Variants in KCNIP4 observed in about 807,000 individuals in gnomAD.
KCNIP4 encodes the protein potassium voltage-gated channel interacting protein 4.
A neutral mutation model predicts 34.0 loss-of-function variants in KCNIP4; 12 were observed. The observed-to-expected ratio is 0.35, with a 90% CI of 0.23 to 0.57. KCNIP4 has a LOEUF of 0.57. Ranked by LOEUF, KCNIP4 falls within the 20% of genes least tolerant of loss-of-function variation. The pLI is 0.83. For synonymous variants in KCNIP4, 124 were observed against 102.2 expected (o/e 1.21, Z -1.29); for missense variants, 238 against 311.7 (o/e 0.76, Z 1.78).
intron 1 of KCNIP4, among the ~76,000 whole-genome samples, chr4:21,733,203 T>G (rs1206274468): frequency 6.6e-6 from 1 of 152,282 alleles, no homozygotes; most frequent in Non-Finnish European, 1.5e-5. Context: ...CCTGTTGTAA[T>G]TAATAATCCT....
intron 1 of KCNIP4, among the ~76,000 whole-genome samples, chr4:21,598,906 A>G (rs1402665854): frequency 6.6e-6 from 1 of 152,094 alleles, no homozygotes; most frequent in Admixed American, 6.6e-5. Context: ...GAGCCACATT[A>G]TGACTCCTGG....
At chr4:21,475,792 C>G (rs916851830) in intron 1 of KCNIP4, among the ~76,000 whole-genome samples, 2 of 152,136 alleles carry the variant, frequency 1.3e-5, no homozygotes, top group Admixed American at 1.3e-4. Context: ...CTGATTTTGA[C>G]ATATAAAAAT....
intron 1 of KCNIP4, among the ~76,000 whole-genome samples, chr4:21,342,975 T>A (rs919675272): frequency 2.0e-5 from 3 of 152,150 alleles, no homozygotes; most frequent in Non-Finnish European, 1.5e-5. Flanking sequence ...CTGTTCATTT[T>A]TTTTTCTGAG....
intron 1 of KCNIP4, among the ~76,000 whole-genome samples, chr4:21,579,163 T>A (rs1741003612): frequency 6.6e-6 from 1 of 152,130 alleles, no homozygotes; most frequent in Non-Finnish European, 1.5e-5. Flanking sequence ...TGTATGACAG[T>A]TCCCGTAGGT....
intron 1 of KCNIP4, chr4:21,847,990 T>C (rs752354582): frequency 5.3e-5 from 8 of 152,154 alleles, no homozygotes; most frequent in East Asian, 1.9e-4. Context: ...CTTGACTTCA[T>C]CTTGGCTATT....
intron 1 of KCNIP4, among the ~76,000 whole-genome samples, chr4:21,268,941 A>T (rs944484051): frequency 4.6e-5 from 7 of 152,204 alleles, no homozygotes; most frequent in African/African-American, 1.7e-4. Flanking sequence ...ACATCTGCAA[A>T]TGTCCCAAGT....
intron 3 of KCNIP4, among the ~76,000 whole-genome samples, chr4:20,811,576 G>A (rs1442796156): frequency 6.6e-6 from 1 of 152,150 alleles, no homozygotes; most frequent in Admixed American, 6.6e-5. Context: ...TTAAAAATGG[G>A]TTTGGGTTAC....
chr4:20,997,750 C>T (rs540553052), intron 1 of KCNIP4, among the ~76,000 whole-genome samples: 5 of 152,204 alleles, frequency 3.3e-5, no homozygotes, highest in East Asian at 1.9e-4. Context: ...AGACGAATGC[C>T]GTTGGATCAA....
intron 1 of KCNIP4, among the ~76,000 whole-genome samples, chr4:21,459,545 G>T (rs115111240): frequency 1.3e-5 from 2 of 151,816 alleles, no homozygotes; most frequent in African/African-American, 2.4e-5. Context: ...CAAAAGTATA[G>T]CTCCTCTTAG....
At chr4:21,780,161 C>T (rs1175803270) in intron 1 of KCNIP4, among the ~76,000 whole-genome samples, 1 of 151,694 alleles carries the variant, frequency 6.6e-6, no homozygotes, top group African/African-American at 2.4e-5. Flanking sequence ...CAGAGAATAA[C>T]ACAGAACAGG....
At chr4:21,739,043 T>TG (rs1716218230) in intron 1 of KCNIP4, among the ~76,000 whole-genome samples, 1 of 152,160 alleles carries the variant, frequency 6.6e-6, no homozygotes, top group Non-Finnish European at 1.5e-5. Flanking sequence ...TTGACCCAAT[T>TG]ATCTTAGACA....
At chr4:20,952,500 G>A (rs532131058) in intron 1 of KCNIP4, among the ~76,000 whole-genome samples, 12 of 152,130 alleles carry the variant, frequency 7.9e-5, no homozygotes, top group African/African-American at 2.9e-4. Context: ...ACCTTGACAA[G>A]ATGTAAATTT....
intron 1 of KCNIP4, among the ~76,000 whole-genome samples, chr4:21,758,117 T>A (rs12642578): frequency 6.6e-6 from 1 of 152,156 alleles, no homozygotes; most frequent in East Asian, 1.9e-4. Context: ...ATTGTTGCTA[T>A]TGATATTTAT....
At chr4:21,444,805 A>G (rs1447275113) in intron 1 of KCNIP4, among the ~76,000 whole-genome samples, 2 of 152,102 alleles carry the variant, frequency 1.3e-5, no homozygotes, top group South Asian at 2.1e-4. Flanking sequence ...GAAATAAAGG[A>G]CATTCAATTA....
intron 2 of KCNIP4, among the ~76,000 whole-genome samples, chr4:20,859,444 T>C (rs572520874): frequency 2.6e-5 from 4 of 152,332 alleles, no homozygotes; most frequent in African/African-American, 7.2e-5. Context: ...ATGTATCTTC[T>C]AACAAATTTA....
chr4:20,822,170 A>G (rs1012134027), intron 3 of KCNIP4, among the ~76,000 whole-genome samples: 10 of 152,242 alleles, frequency 6.6e-5, no homozygotes, highest in Admixed American at 3.3e-4. Context: ...TATACATCCA[A>G]TAAAGGACTA....
intron 1 of KCNIP4, among the ~76,000 whole-genome samples, chr4:21,871,899 G>T (rs1337027006): frequency 2.6e-5 from 4 of 151,466 alleles, no homozygotes; most frequent in African/African-American, 9.7e-5. Flanking sequence ...ATTCAGGGTT[G>T]AGCCCAGTCT....
chr4:20,740,715 C>T (rs1433675256), intron 5 of KCNIP4, among the ~76,000 whole-genome samples: 1 of 152,168 alleles, frequency 6.6e-6, no homozygotes, highest in Admixed American at 6.5e-5. Context: ...ATCAAATTCA[C>T]ACATAACAAT....
At chr4:21,016,050 T>C (rs1326050179) in intron 1 of KCNIP4, among the ~76,000 whole-genome samples, 3 of 148,116 alleles carry the variant, frequency 2.0e-5, no homozygotes, top group African/African-American at 7.4e-5. Context: ...AAAAACAAAT[T>C]GAAATTACAT....
Sources: allele counts gnomAD v4.1 joint callset (sites outside exome capture counted in the v4.1 genomes callset), GRCh38; gene constraint gnomAD v4.1.1; transcripts MANE v1.5; gene names NCBI Gene and HGNC (gene_info 2026-07-23, HGNC 2026-07-21).